Variants in UNC5D observed in about 807,000 individuals in gnomAD.
UNC5D encodes netrin receptor UNC5D.
Under a neutral mutation model 105.4 loss-of-function variants are expected in UNC5D, and 39 were observed. The ratio of observed to expected loss-of-function variants is 0.37; its 90% confidence interval spans 0.29 to 0.48. The LOEUF (loss-of-function observed/expected upper bound fraction) is 0.48, where lower values mean the gene tolerates loss of function less well. Ranked by LOEUF, UNC5D falls within the 20% of genes least tolerant of loss-of-function variation. The probability of loss-of-function intolerance (pLI) is 0.98; values close to 1 mark genes in which losing one functional copy is unlikely to be tolerated. For missense variants in UNC5D, 991 were observed against 1,202.4 expected, an observed-to-expected ratio of 0.82 and a Z score of 2.60; for synonymous variants, 452 against 450.4, an observed-to-expected ratio of 1.00 and a Z score of -0.04.
chr8:35,401,157 C>T (rs1424474941), intron 1 of UNC5D, among the ~76,000 whole-genome samples: 1 of 151,986 alleles, frequency 6.6e-6, no homozygotes, highest in Non-Finnish European at 1.5e-5. Flanking sequence ...GATAAAGATA[C>T]TGCTATAAAA....
At chr8:35,314,720 G>A (rs1376966712) in intron 1 of UNC5D, among the ~76,000 whole-genome samples, 1 of 152,156 alleles carries the variant, frequency 6.6e-6, no homozygotes, top group East Asian at 1.9e-4. Context: ...GTTGACTACA[G>A]CACTGTAATA....
At chr8:35,308,112 ATGTATGTGTGTGTG>A (rs1163224047) in intron 1 of UNC5D, among the ~76,000 whole-genome samples, 4,282 of 147,558 alleles carry the variant, frequency 0.029, 184 homozygotes, top group African/African-American at 0.094. Flanking sequence ...CTATGTCACA[ATGTATGTGTGTGTG>A]TGTGTGTGTG....
At chr8:35,364,017 T>C (rs1234789015) in intron 1 of UNC5D, among the ~76,000 whole-genome samples, 1 of 152,026 alleles carries the variant, frequency 6.6e-6, no homozygotes, top group Non-Finnish European at 1.5e-5. Context: ...ACTCTGCCTC[T>C]AATAAAAAAC....
intron 1 of UNC5D, among the ~76,000 whole-genome samples, chr8:35,521,451 A>G (rs2130451978): frequency 6.6e-6 from 1 of 152,328 alleles, no homozygotes; most frequent in South Asian, 2.1e-4. Context: ...GAAATCATGA[A>G]AAGGACCATG....
intron 1 of UNC5D, among the ~76,000 whole-genome samples, chr8:35,332,105 A>G (rs1314253357): frequency 2.6e-5 from 4 of 152,220 alleles, no homozygotes; most frequent in Non-Finnish European, 5.9e-5. Flanking sequence ...ATGACTCAGC[A>G]AGGGCATTTT....
chr8:35,657,626 A>G (rs1470615277), intron 4 of UNC5D, among the ~76,000 whole-genome samples: 1 of 152,134 alleles, frequency 6.6e-6, no homozygotes, highest in Non-Finnish European at 1.5e-5. Context: ...CTGAGAGTAC[A>G]AGCATGTGCC....
intron 1 of UNC5D, chr8:35,544,443 G>A: frequency 6.2e-7 from 1 of 1,613,844 alleles, no homozygotes. Flanking sequence ...GTTATCTGGG[G>A]GTGGATGATC....
At chr8:35,568,426 C>T (rs1379888159) in intron 3 of UNC5D, among the ~76,000 whole-genome samples, 185 bp downstream of exon 3, 3 of 152,250 alleles carry the variant, frequency 2.0e-5, no homozygotes, top group Non-Finnish European at 2.9e-5. Context: ...CAGTGGCTCA[C>T]GCCTGTGATC....
intron 2 of UNC5D, among the ~76,000 whole-genome samples, chr8:35,562,608 C>A (rs950404511): frequency 6.6e-6 from 1 of 151,786 alleles, no homozygotes; most frequent in African/African-American, 2.4e-5. Context: ...ATATTTTTGG[C>A]CTTTTGATAA....
chr8:35,668,687 A>T (rs1308694550), intron 4 of UNC5D, among the ~76,000 whole-genome samples: 2 of 152,110 alleles, frequency 1.3e-5, no homozygotes, highest in African/African-American at 4.8e-5. Flanking sequence ...GTTTTAGTGA[A>T]TATTGAGAAA....
chr8:35,376,541 C>T (rs1018107366), intron 1 of UNC5D, among the ~76,000 whole-genome samples: 3 of 152,020 alleles, frequency 2.0e-5, no homozygotes, highest in East Asian at 1.9e-4. Context: ...CTATTTAGAG[C>T]GAGAATGGAG....
chr8:35,634,695 A>G (rs1406706742), intron 4 of UNC5D, among the ~76,000 whole-genome samples: 1 of 152,114 alleles, frequency 6.6e-6, no homozygotes, highest in Non-Finnish European at 1.5e-5. Flanking sequence ...TTTTTGTGCA[A>G]TTATAAGGTA....
intron 1 of UNC5D, among the ~76,000 whole-genome samples, chr8:35,459,493 A>T (rs1407822800): frequency 1.3e-5 from 2 of 152,212 alleles, no homozygotes; most frequent in Non-Finnish European, 2.9e-5. Context: ...CACATAGCTG[A>T]ATTTGCTGGG....
chr8:35,617,716 T>C (rs1252472629), intron 4 of UNC5D, among the ~76,000 whole-genome samples: 1 of 152,208 alleles, frequency 6.6e-6, no homozygotes, highest in Non-Finnish European at 1.5e-5. Context: ...CCATTGCATG[T>C]AACTCAGATT....
intron 16 of UNC5D, among the ~76,000 whole-genome samples, chr8:35,779,931 C>T (rs1802426418): frequency 6.6e-6 from 1 of 152,192 alleles, no homozygotes; most frequent in Non-Finnish European, 1.5e-5. Context: ...GATCATTCTT[C>T]TGTGATGCCT....
At chr8:35,489,695 A>G (rs1012688860) in intron 1 of UNC5D, among the ~76,000 whole-genome samples, 2 of 152,218 alleles carry the variant, frequency 1.3e-5, no homozygotes, top group African/African-American at 2.4e-5. Flanking sequence ...GCAAACTAAT[A>G]CACTTGGCAG....
chr8:35,608,128 C>G (rs922282183), intron 4 of UNC5D, among the ~76,000 whole-genome samples: 2 of 152,020 alleles, frequency 1.3e-5, no homozygotes, highest in Non-Finnish European at 2.9e-5. Context: ...TGTCTGGGGA[C>G]TGCTATTTAG....
At chr8:35,735,447 CAT>C (rs1206301352) in intron 11 of UNC5D, among the ~76,000 whole-genome samples, 1 of 152,188 alleles carries the variant, frequency 6.6e-6, no homozygotes, top group East Asian at 1.9e-4. Context: ...CAAAAGAACA[CAT>C]ATTTTTAAAT....
intron 1 of UNC5D, among the ~76,000 whole-genome samples, chr8:35,366,145 C>G (rs185669905): frequency 6.6e-6 from 1 of 152,148 alleles, no homozygotes; most frequent in East Asian, 1.9e-4. Context: ...TATAGGCATT[C>G]TTGGAATTAA....
Sources: gnomAD v4.1 joint callset for allele counts (sites outside exome capture counted in the v4.1 genomes callset) on GRCh38, gnomAD v4.1.1 for gene constraint, MANE v1.5 for transcripts, NCBI Gene and HGNC (gene_info 2026-07-23, HGNC 2026-07-21) for gene names.